Variants in ZNF813 observed in about 807,000 individuals in gnomAD.
ZNF813 encodes the protein zinc finger protein 813.
Under a neutral mutation model 7.2 loss-of-function variants are expected in ZNF813, and 3 were observed. That is an observed-to-expected ratio of 0.42 (90% CI 0.19 to 1.08). The LOEUF (loss-of-function observed/expected upper bound fraction) is 1.08. ZNF813 is among the 50% of genes least tolerant of loss of function. ZNF813 has a pLI of 0.30. For missense variants in ZNF813, 714 were observed against 753.3 expected (o/e 0.95, Z 0.61); for synonymous variants, 227 against 256.3 (o/e 0.89, Z 1.09).
intron 1 of ZNF813, among the ~76,000 whole-genome samples, chr19:53,480,358 G>A (rs1209475610): frequency 8.3e-6 from 1 of 120,782 alleles, no homozygotes; most frequent in Non-Finnish European, 1.7e-5. Context: ...AAAGCATGTT[G>A]TGATGTAAAA....
In ZNF813 at chr19:53,490,992, C is replaced by A; in HGVS notation, c.760C>A (p.Arg254=). 1 of 1,614,110 alleles carries A rather than the reference C, an allele frequency of 6.2e-7. No homozygotes were observed. Among genetic ancestry groups the A allele is most frequent in the Non-Finnish European group, 8.5e-7 (1 of 1,180,014 alleles). The change falls in exon 4 of 4, where the codon CGG becomes AGG. Residue 254 remains arginine, a synonymous_variant. Transcript: ENST00000396403. The stretch of plus-strand genomic sequence containing the variant: ...TGATGTATGTGGCAAGGTCTTTAAT[C>A]GGAAGCGAAACCTAGTGTGCCATCG... ...KCDVCGKVFN[R]KRNLVCHRRC...
At chr19:53,485,232 G>C (rs1007486584) in intron 2 of ZNF813, among the ~76,000 whole-genome samples, 11 of 152,172 alleles carry the variant, frequency 7.2e-5, no homozygotes, top group South Asian at 2.1e-4. Flanking sequence ...GCTTCCTCTA[G>C]GATGGGGCAT....
intron 1 of ZNF813, among the ~76,000 whole-genome samples, chr19:53,474,337 G>A (rs1484506679): frequency 6.6e-6 from 1 of 152,186 alleles, no homozygotes; most frequent in Non-Finnish European, 1.5e-5. Flanking sequence ...TCTGAGCACA[G>A]GTTAAACATT....
In ZNF813 at chr19:53,487,797, C is replaced by CAAA. The variant is rs35942754; in HGVS notation, c.142+1055_142+1057dup. Among the ~76,000 whole-genome samples the CAAA allele has an allele frequency of 7.7e-3, 1,005 of 130,010 alleles. 10 individuals are homozygous for CAAA. Among genetic ancestry groups the CAAA allele is most frequent in the African/African-American group, 0.023 (807 of 35,604 alleles). 85.3% of individuals were successfully genotyped at this position (130,010 alleles called of 152,430 possible). A position where few individuals can be genotyped will look rare whatever the true frequency, so the allele number is the denominator to read the frequency against. On this transcript the variant is annotated intron_variant, in intron 3 of 3. Coordinates refer to ENST00000396403, the MANE Select transcript of ZNF813 (RefSeq NM_001004301.4). ...TGGGCAACAGAACAAGACTCTGTCTCAAAAAAAAAAAAAAAAAATTCCATA... is the reference window on the plus strand; with the variant it reads ...TGGGCAACAGAACAAGACTCTGTCTCAAAAAAAAAAAAAAAAAAAAATTCCATA...
intron 1 of ZNF813, among the ~76,000 whole-genome samples, chr19:53,483,027 C>A (rs773638025): frequency 3.5e-4 from 53 of 152,048 alleles, no homozygotes; most frequent in Non-Finnish European, 6.9e-4. Flanking sequence ...ATTCTCCTGC[C>A]TCAGCCTCCT....
chr19:53,492,761 A>C lies in ZNF813; in HGVS notation c.*675A>C. ...AGACATCGTCCATACCTTGCAGTTC[A>C]TTGGCGAACTCATACTGGAGACAAA... On this transcript the variant is annotated 3_prime_UTR_variant, in exon 4 of 4. Transcript: ENST00000396403. The C allele has an allele frequency of 1.3e-5, 8 of 616,800 alleles. No homozygotes were observed. The highest frequency in any genetic ancestry group is 1.9e-5 in the African/African-American group (1 of 53,616). 38.2% of individuals were successfully genotyped at this position (616,800 alleles called of 1,614,324 possible).
Position 53,492,048 on chromosome 19 carries a change from C to A in ZNF813, c.1816C>A (p.Pro606Thr), listed in dbSNP as rs144235803. Residue 606 changes from proline (P) to threonine (T), a missense_variant, in exon 4 of 4, where the codon CCT becomes ACT. Transcript: ENST00000396403. ...RHHRLHTGEK[P>T]YKFNECGKAF... ...TCATAGACTTCATACTGGAGAGAAA[C>A]CTTACAAGTTTAATGAGTGTGGCAA... 2 of 1,613,862 alleles carry A rather than the reference C, an allele frequency of 1.2e-6. No homozygotes were observed. Among genetic ancestry groups the A allele is most frequent in the East Asian group, 2.2e-5 (1 of 44,848 alleles).
intron 2 of ZNF813, among the ~76,000 whole-genome samples, chr19:53,486,363 C>T (rs1209208977): frequency 2.0e-5 from 3 of 151,370 alleles, no homozygotes; most frequent in Non-Finnish European, 4.4e-5. Context: ...AGGAGAATCG[C>T]TTGATCCTGG....
In ZNF813 at chr19:53,491,165, A is replaced by G; in HGVS notation, c.933A>G (p.Lys311=). ...CEECDKAFSF[K]SNLKRHRRIH... is the part of the protein sequence containing the mutation. ...AATGTGACAAAGCTTTCAGTTTCAA[A>G]TCAAACCTTAAAAGACATAGGAGAA... Residue 311 remains lysine, a synonymous_variant, in exon 4 of 4, where the codon AAA becomes AAG. Transcript: ENST00000396403. 6.2e-7 allele frequency: 1 copy of G among 1,613,122 alleles called. No homozygotes were observed. The highest frequency in any genetic ancestry group is 8.5e-7 in the Non-Finnish European group (1 of 1,179,794).
At chr19:53,486,965 T>G (rs1454152091) in intron 3 of ZNF813, among the ~76,000 whole-genome samples, 1 of 147,524 alleles carries the variant, frequency 6.8e-6, no homozygotes, top group Non-Finnish European at 1.5e-5. Flanking sequence ...TGTGACCATG[T>G]CCGGCTACTT....
At chr19:53,489,112 T>C (rs540489305) in intron 3 of ZNF813, among the ~76,000 whole-genome samples, 1 of 152,174 alleles carries the variant, frequency 6.6e-6, no homozygotes, top group South Asian at 2.1e-4. Context: ...GTTCAAGTGA[T>C]TCTCCTGCCT....
At position 53,491,378 on chromosome 19, in the gene ZNF813, T is replaced by G; in HGVS notation, c.1146T>G (p.Pro382=). The change falls in exon 4 of 4, where the codon CCT becomes CCG. Residue 382 remains proline, a synonymous_variant. Transcript: ENST00000396403. The part of the protein sequence containing the change: ...CHHRLHTGEK[P]YKCNECGKTF... The stretch of plus-strand genomic sequence containing the variant: ...ATAGACTTCATACGGGAGAGAAACC[T>G]TATAAGTGTAATGAATGTGGCAAGA... 6.2e-7 allele frequency: 1 copy of G among 1,612,608 alleles called. No individual in the cohort carries two copies. Among genetic ancestry groups the G allele is most frequent in the Non-Finnish European group, 8.5e-7 (1 of 1,179,260 alleles).
In ZNF813 at chr19:53,495,023, CA is replaced by C. The variant is rs35975568; in HGVS notation, c.*2948del. 0.57 allele frequency: 83,953 copies of C among 148,396 alleles called. 24,019 individuals carry two copies. The highest frequency in any genetic ancestry group is 0.71 in the African/African-American group (29,002 of 40,678). The allele number at this position is 148,396 out of a possible 1,614,324, so 9.2% of individuals were successfully genotyped here. A position where few individuals can be genotyped will look rare whatever the true frequency, so the allele number is the denominator to read the frequency against. ...TGGGTGATGGAGCGAGATACTGGCTCAAAAAAAAAAATACTTCTTGTAAAGT... is the reference window on the plus strand; with the variant it reads ...TGGGTGATGGAGCGAGATACTGGCTCAAAAAAAAAATACTTCTTGTAAAGT... On this transcript the variant is annotated 3_prime_UTR_variant, in exon 4 of 4. Transcript: ENST00000396403.
intron 1 of ZNF813, among the ~76,000 whole-genome samples, chr19:53,473,957 C>T (rs967013411): frequency 5.9e-5 from 9 of 152,144 alleles, no homozygotes; most frequent in African/African-American, 1.7e-4. Flanking sequence ...AGCTGCTTAA[C>T]GTCTGGTTCA....
chr19:53,484,137 T>G (rs1346925070), intron 2 of ZNF813, among the ~76,000 whole-genome samples: 2 of 151,888 alleles, frequency 1.3e-5, no homozygotes, highest in Non-Finnish European at 2.9e-5. Flanking sequence ...GATTGTTCAG[T>G]GGCCACATGT....
At chr19:53,469,032 G>A (rs1368627105) in intron 1 of ZNF813, among the ~76,000 whole-genome samples, 1 of 152,138 alleles carries the variant, frequency 6.6e-6, no homozygotes, top group African/African-American at 2.4e-5. Flanking sequence ...GCGGCTTTCC[G>A]CAGTGCATTG....
intron 1 of ZNF813, among the ~76,000 whole-genome samples, chr19:53,483,234 CA>C (rs1274029148): frequency 6.6e-6 from 1 of 151,622 alleles, no homozygotes; most frequent in Non-Finnish European, 1.5e-5. Context: ...TTAGTAGAGA[CA>C]GGGTTTCACC....
At chr19:53,476,778 C>T (rs1216483576) in intron 1 of ZNF813, among the ~76,000 whole-genome samples, 4 of 152,070 alleles carry the variant, frequency 2.6e-5, no homozygotes, top group Non-Finnish European at 5.9e-5. Flanking sequence ...ATTCTCCTGC[C>T]TCAGCCTTCT....
rs774876310 is a variant in ZNF813, at chr19:53,491,729, A to T, written c.1497A>T (p.Glu499Asp). 1.9e-6 allele frequency: 3 copies of T among 1,573,590 alleles called. No homozygotes were observed. In the Admixed American group the frequency reaches 5.1e-5, roughly 27 times the overall value. Reference sequence around the variant, plus strand: ...GAGAGAAACCTTACAAGTGTAATGAATGTGGCAAGGGTTTTAATCGGAAAA... The same window carrying T: ...GAGAGAAACCTTACAAGTGTAATGATTGTGGCAAGGGTTTTAATCGGAAAA... ...HTGEKPYKCNECGKGFNRKTH... is the reference protein window; with the variant it reads ...HTGEKPYKCNDCGKGFNRKTH... The change falls in exon 4 of 4, where the codon GAA (glutamate) becomes GAT (aspartate). Residue 499 changes from glutamate (E) to aspartate (D), a missense_variant. Glu to Asp is a conservative substitution (Grantham distance 45). Coordinates refer to ENST00000396403, the MANE Select transcript of ZNF813 (RefSeq NM_001004301.4).
Sources: allele counts gnomAD v4.1 joint callset (sites outside exome capture counted in the v4.1 genomes callset), GRCh38; gene constraint gnomAD v4.1.1; transcripts MANE v1.5; gene names NCBI Gene and HGNC (gene_info 2026-07-23, HGNC 2026-07-21).